Variants in WDR41 observed in about 807,000 individuals in gnomAD.
WDR41 encodes WD repeat-containing protein 41.
Under a neutral mutation model 69.3 loss-of-function variants are expected in WDR41, and 63 were observed. The ratio of observed to expected loss-of-function variants is 0.91; its 90% confidence interval spans 0.74 to 1.12. WDR41 has a LOEUF of 1.12. Ranked by LOEUF, WDR41 falls within the 50% of genes most tolerant of loss-of-function variation. WDR41 has a pLI of 0.00. For missense variants in WDR41, 543 were observed against 534.5 expected, an observed-to-expected ratio of 1.02 and a Z score of -0.16; for synonymous variants, 185 against 192.1, an observed-to-expected ratio of 0.96 and a Z score of 0.31.
intron 2 of WDR41, among the ~76,000 whole-genome samples, chr5:77,467,441 T>A (rs1292437001): frequency 1.3e-5 from 2 of 152,024 alleles, no homozygotes; most frequent in Admixed American, 6.5e-5. Flanking sequence ...CCGTATTTCA[T>A]CAAATCTAAG....
At chr5:77,498,695 T>C (rs1296225198) in intron 1 of WDR41, among the ~76,000 whole-genome samples, 1 of 151,858 alleles carries the variant, frequency 6.6e-6, no homozygotes, top group Non-Finnish European at 1.5e-5. Context: ...GGCAGGTGCC[T>C]GTGGTTCCAG....
intron 2 of WDR41, among the ~76,000 whole-genome samples, chr5:77,469,159 A>G (rs905148163): frequency 2.6e-5 from 4 of 151,790 alleles, no homozygotes; most frequent in African/African-American, 9.7e-5. Flanking sequence ...ACCAAACACC[A>G]CATGTTCTCA....
intron 1 of WDR41, among the ~76,000 whole-genome samples, chr5:77,611,835 A>C (rs2112342122): frequency 6.6e-6 from 1 of 152,242 alleles, no homozygotes; most frequent in South Asian, 2.1e-4. Context: ...ACCCTTCAAA[A>C]AATCAATGAA....
chr5:77,432,861 G>C lies in WDR41; in HGVS notation c.*274C>G, dbSNP rs1213319648. 2.1e-5 allele frequency: 6 copies of C among 289,106 alleles called. No homozygotes were observed. Among genetic ancestry groups the C allele is most frequent in the African/African-American group, 6.5e-5 (3 of 46,010 alleles). The allele number at this position is 289,106 out of a possible 1,614,324, so 17.9% of individuals were successfully genotyped here. A position where few individuals can be genotyped will look rare whatever the true frequency, so the allele number is the denominator to read the frequency against. On this transcript the variant is annotated 3_prime_UTR_variant, in exon 13 of 13. Transcript: ENST00000296679. ...TATTTGTACCTTTCACAAGGATCTA[G>C]GTTCAAAATAAGCTCAAAACACAGC...
At chr5:77,476,428 G>C (rs1280816088) in intron 2 of WDR41, among the ~76,000 whole-genome samples, 1 of 151,996 alleles carries the variant, frequency 6.6e-6, no homozygotes, top group Non-Finnish European at 1.5e-5. Flanking sequence ...AGAGAGAAAG[G>C]TCGGGTTACC....
rs369013255 is a variant in WDR41, at chr5:77,531,236, T to A, written c.43-41664A>T. 6.6e-5 allele frequency among the ~76,000 whole-genome samples: 10 copies of A among 151,892 alleles called. No individual in the cohort carries two copies. In the East Asian group the frequency reaches 1.9e-3, roughly 29 times the overall value. On this transcript the variant is annotated intron_variant, in intron 1 of 5. Coordinates refer to the WDR41 transcript ENST00000509971. ...AAAAGACAACATACAGAATGGGAAA[T>A]AACATTTACAAATTGTATATCTGAA... is the stretch of plus-strand genomic sequence containing the variant.
intron 1 of WDR41, among the ~76,000 whole-genome samples, chr5:77,558,255 A>G (rs1194024994): frequency 6.6e-6 from 1 of 152,198 alleles, no homozygotes; most frequent in African/African-American, 2.4e-5. Context: ...CTGTTTAGGA[A>G]AGGAAAATTT....
chr5:77,437,289 A>AG, intron 11 of WDR41, 47 bp downstream of exon 11: 3 of 1,503,032 alleles, frequency 2.0e-6, no homozygotes, highest in East Asian at 2.3e-5. Context: ...CTTTCACGTG[A>AG]GAAAAAAGGA....
At position 77,479,355 on chromosome 5, in the gene WDR41, G is replaced by A. The variant is rs868762684; in HGVS notation, c.167+10102C>T. ...TTCATATGGAACCAAAAAAGAGCCC[G>A]CATCACCAAGTCAATCCTAAGCCAA... On this transcript the variant is annotated intron_variant, in intron 2 of 12. Coordinates refer to ENST00000296679, the MANE Select transcript of WDR41 (RefSeq NM_018268.4). Among the ~76,000 whole-genome samples, 47 of 152,098 alleles carry A rather than the reference G, an allele frequency of 3.1e-4. No homozygotes were observed. The East Asian group carries it at 5.0e-3, about 16-fold the overall frequency.
chr5:77,574,040 G>A (rs1743780605), intron 1 of WDR41, among the ~76,000 whole-genome samples: 1 of 152,148 alleles, frequency 6.6e-6, no homozygotes, highest in African/African-American at 2.4e-5. Flanking sequence ...ATTCACGCCT[G>A]TAATCCCAGC....
chr5:77,574,037 C>T (rs1743780466), intron 1 of WDR41, among the ~76,000 whole-genome samples: 1 of 152,178 alleles, frequency 6.6e-6, no homozygotes, highest in Non-Finnish European at 1.5e-5. Context: ...ATGATTCACG[C>T]CTGTAATCCC....
intron 1 of WDR41, among the ~76,000 whole-genome samples, chr5:77,608,240 G>A (rs1306655815): frequency 2.6e-5 from 4 of 152,176 alleles, no homozygotes; most frequent in African/African-American, 9.7e-5. Flanking sequence ...GTTGTAGCAT[G>A]TGTCAGAATT....
chr5:77,580,460 G>A (rs894452842), intron 1 of WDR41, among the ~76,000 whole-genome samples: 5 of 152,054 alleles, frequency 3.3e-5, no homozygotes, highest in South Asian at 2.1e-4. Flanking sequence ...CCCTTGACAC[G>A]TAGGCATTAT....
At chr5:77,566,775 C>A (rs138240075) in intron 1 of WDR41, among the ~76,000 whole-genome samples, 56 of 152,184 alleles carry the variant, frequency 3.7e-4, no homozygotes, top group African/African-American at 1.3e-3. Context: ...GACACACAGA[C>A]CTGCTATGCC....
chr5:77,566,149 A>T (rs1330214493), intron 1 of WDR41, among the ~76,000 whole-genome samples: 1 of 152,124 alleles, frequency 6.6e-6, no homozygotes, highest in African/African-American at 2.4e-5. Context: ...AAGAGGAAGC[A>T]TTGAAATTCA....
chr5:77,522,443 C>T (rs1019932357), intron 1 of WDR41, among the ~76,000 whole-genome samples: 1 of 152,068 alleles, frequency 6.6e-6, no homozygotes, highest in Non-Finnish European at 1.5e-5. Context: ...AGATTGAGAC[C>T]ATCCTGGCCA....
intron 1 of WDR41, among the ~76,000 whole-genome samples, chr5:77,612,612 C>G (rs1200982374): frequency 1.3e-5 from 2 of 152,204 alleles, no homozygotes; most frequent in East Asian, 3.8e-4. Context: ...ACTAAAAACT[C>G]TCAATAAATT....
intron 1 of WDR41, among the ~76,000 whole-genome samples, chr5:77,569,335 A>G (rs1743690462): frequency 6.6e-6 from 1 of 152,208 alleles, no homozygotes; most frequent in South Asian, 2.1e-4. Context: ...TAAAGATGAC[A>G]CACTAAGGTC....
At chr5:77,433,366 G>A in intron 12 of WDR41, 79 bp from the exon 13 acceptor site, 2 of 1,357,276 alleles carry the variant, frequency 1.5e-6, no homozygotes, top group Non-Finnish European at 2.0e-6. Context: ...ACATGTGCGT[G>A]TGAGATATGT....
Sources: gnomAD v4.1 joint callset for allele counts (sites outside exome capture counted in the v4.1 genomes callset) on GRCh38, gnomAD v4.1.1 for gene constraint, MANE v1.5 for transcripts, NCBI Gene and HGNC (gene_info 2026-07-23, HGNC 2026-07-21) for gene names.